Variants in PRTG observed in about 807,000 individuals in gnomAD.
PRTG encodes immunoglobulin superfamily, DCC subclass, member 5.
In PRTG, 67 loss-of-function variants were observed where a neutral mutation model predicts 122.5. The observed-to-expected ratio is 0.55, with a 90% CI of 0.45 to 0.67. The LOEUF is 0.67. Ranked by LOEUF, PRTG falls within the 30% of genes least tolerant of loss-of-function variation. PRTG has a pLI of 0.00. For synonymous variants in PRTG, 554 were observed against 501.1 expected, an observed-to-expected ratio of 1.11 and a Z score of -1.41; for missense variants, 1,435 against 1,415.4, an observed-to-expected ratio of 1.01 and a Z score of -0.22.
intron 11 of PRTG, among the ~76,000 whole-genome samples, chr15:55,650,012 T>C (rs1300820593): frequency 1.3e-5 from 2 of 152,182 alleles, no homozygotes; most frequent in African/African-American, 4.8e-5. Flanking sequence ...ATTTGTAAAA[T>C]GTTTAGAAAA....
chr15:55,740,762 A>ACATCT, intron 1 of PRTG, 78 bp from the exon 2 acceptor site: 2 of 1,245,938 alleles, frequency 1.6e-6, no homozygotes, highest in South Asian at 3.0e-5. Context: ...ACTGTAAAAC[A>ACATCT]CATATTCAGG....
rs201929959 is a variant in PRTG at position 55,626,980 on chromosome 15, C to T, written c.2927+28G>A. On this transcript the variant is annotated intron_variant, in intron 17 of 19. Transcript: ENST00000389286. ...CTACCGTAATTTAAATGTTTTTCAC[C>T]TCAACATCTCTAGCAATGGAAACAC... 7 of 1,577,726 alleles carry T rather than the reference C, an allele frequency of 4.4e-6. No homozygotes were observed. The South Asian group carries it at 7.1e-5, about 16-fold the overall frequency.
chr15:55,626,066 T>C (rs2059193028), intron 17 of PRTG, among the ~76,000 whole-genome samples: 2 of 152,266 alleles, frequency 1.3e-5, no homozygotes, highest in South Asian at 2.1e-4. Context: ...AAGTGTGCCA[T>C]TATTATTATT....
chr15:55,719,660 A>T (rs561521756), intron 2 of PRTG, among the ~76,000 whole-genome samples: 6 of 152,240 alleles, frequency 3.9e-5, no homozygotes, highest in African/African-American at 1.4e-4. Context: ...ACTAAATCAT[A>T]ACATAGTAGT....
At chr15:55,731,056 T>G (rs2031214172) in intron 2 of PRTG, among the ~76,000 whole-genome samples, 1 of 152,206 alleles carries the variant, frequency 6.6e-6, no homozygotes, top group Non-Finnish European at 1.5e-5. Context: ...CCTCAAAATA[T>G]TCACTGCCAG....
intron 2 of PRTG, chr15:55,703,054 T>C (rs959051060): frequency 5.3e-6 from 2 of 380,816 alleles, no homozygotes; most frequent in East Asian, 1.6e-4. Context: ...CTAGAACCAG[T>C]TGGTCTGTTC....
chr15:55,667,071 C>G (rs2059443012), intron 11 of PRTG, among the ~76,000 whole-genome samples: 1 of 151,994 alleles, frequency 6.6e-6, no homozygotes, highest in South Asian at 2.1e-4. Flanking sequence ...CAAGAGGTTT[C>G]CCAGAAGTGT....
intron 11 of PRTG, among the ~76,000 whole-genome samples, chr15:55,661,480 T>C (rs1031534026): frequency 6.6e-6 from 1 of 152,216 alleles, no homozygotes; most frequent in African/African-American, 2.4e-5. Context: ...GTCAGGCATG[T>C]GGAGTGAGGC....
At chr15:55,705,472 T>C (rs1259112293) in intron 2 of PRTG, among the ~76,000 whole-genome samples, 1 of 152,178 alleles carries the variant, frequency 6.6e-6, no homozygotes, top group Non-Finnish European at 1.5e-5. Context: ...TACTTATTCT[T>C]TTTGTGAGAG....
Position 55,679,455 on chromosome 15 carries a change from A to T in PRTG, c.974-10T>A, listed in dbSNP as rs754042081. 5 of 1,601,028 alleles carry T rather than the reference A, an allele frequency of 3.1e-6. No individual in the cohort carries two copies. In the Admixed American group the frequency reaches 8.5e-5, roughly 27 times the overall value. ...ACAAATGAAGGAGGAGCTATTTTTA[A>T]AGAAAAAAATGAAATATTTCTGTGA... On this transcript the variant is annotated splice_polypyrimidine_tract_variant and intron_variant, in intron 6 of 19. Coordinates refer to ENST00000389286, the MANE Select transcript of PRTG (RefSeq NM_173814.6).
intron 11 of PRTG, among the ~76,000 whole-genome samples, chr15:55,659,628 T>C (rs2059398364): frequency 6.6e-6 from 1 of 152,094 alleles, no homozygotes; most frequent in Admixed American, 6.6e-5. Context: ...TAATGGGTAA[T>C]CACTTAACCT....
At chr15:55,705,239 T>G (rs1267238253) in intron 2 of PRTG, among the ~76,000 whole-genome samples, 1 of 152,190 alleles carries the variant, frequency 6.6e-6, no homozygotes, top group Non-Finnish European at 1.5e-5. Flanking sequence ...ACAGTACTAA[T>G]GCTAATCTAG....
At chr15:55,713,747 A>G (rs1049457527) in intron 2 of PRTG, among the ~76,000 whole-genome samples, 32 of 151,494 alleles carry the variant, frequency 2.1e-4, no homozygotes, top group African/African-American at 6.8e-4. Context: ...TTTTACTAGG[A>G]TGTTTGCTTC....
chr15:55,684,731 T>G (rs2059560838), intron 2 of PRTG, among the ~76,000 whole-genome samples: 1 of 152,136 alleles, frequency 6.6e-6, no homozygotes. Flanking sequence ...AGCGATATCT[T>G]AAAGAAAACA....
chr15:55,729,643 G>A (rs1181720827), intron 2 of PRTG, among the ~76,000 whole-genome samples: 5 of 151,760 alleles, frequency 3.3e-5, no homozygotes, highest in African/African-American at 1.2e-4. Context: ...ATCTAAAAGG[G>A]TGAACTTTAT....
At chr15:55,648,842 T>C (rs1388705225) in intron 11 of PRTG, among the ~76,000 whole-genome samples, 2 of 152,188 alleles carry the variant, frequency 1.3e-5, no homozygotes, top group Non-Finnish European at 2.9e-5. Flanking sequence ...CTCACACCTG[T>C]AATCCCAGCA....
intron 2 of PRTG, among the ~76,000 whole-genome samples, chr15:55,710,653 G>T (rs1450902868): frequency 2.0e-5 from 3 of 152,022 alleles, no homozygotes; most frequent in Non-Finnish European, 4.4e-5. Flanking sequence ...TTGTCTTTAA[G>T]TCATTCTTCT....
chr15:55,632,068 C>T (rs1023655961), intron 15 of PRTG, among the ~76,000 whole-genome samples: 1 of 152,124 alleles, frequency 6.6e-6, no homozygotes, highest in Non-Finnish European at 1.5e-5. Flanking sequence ...AGATCCACAG[C>T]CTTAAACATC....
At chr15:55,672,176 G>T (rs2059475643) in intron 11 of PRTG, among the ~76,000 whole-genome samples, 1 of 152,136 alleles carries the variant, frequency 6.6e-6, no homozygotes, top group Non-Finnish European at 1.5e-5. Context: ...CAGTCTACCA[G>T]AAGTGAACGC....
Sources: gnomAD v4.1 joint callset for allele counts (sites outside exome capture counted in the v4.1 genomes callset) on GRCh38, gnomAD v4.1.1 for gene constraint, MANE v1.5 for transcripts, NCBI Gene and HGNC (gene_info 2026-07-23, HGNC 2026-07-21) for gene names.